SCHIP1: variants seen among roughly 807,000 people sequenced by gnomAD.
SCHIP1 encodes the protein schwannomin-interacting protein 1.
A neutral mutation model predicts 29.7 loss-of-function variants in SCHIP1; 8 were observed. The observed-to-expected ratio is 0.27, with a 90% CI of 0.16 to 0.49. The LOEUF is 0.49. Among genes scored for constraint, SCHIP1 ranks in the 20% least tolerant of loss-of-function variants. SCHIP1 has a pLI of 0.99. For missense variants in SCHIP1, 193 were observed against 294.6 expected (o/e 0.66, Z 2.52); for synonymous variants, 76 against 94.9 (o/e 0.80, Z 1.16).
the SCHIP1 span, among the ~76,000 whole-genome samples, chr3:159,461,900 C>T: frequency 6.6e-6 from 1 of 152,028 alleles, no homozygotes; most frequent in African/African-American, 2.4e-5. Flanking sequence ...TGCAGATAAA[C>T]ATAAAGAGCA....
the SCHIP1 span, chr3:159,274,732 A>T: frequency 1.2e-6 from 1 of 824,406 alleles, no homozygotes; most frequent in Admixed American, 6.2e-5. Context: ...CTAAGAGAAC[A>T]TATTGTCATT....
the SCHIP1 span, among the ~76,000 whole-genome samples, chr3:159,748,477 A>T: frequency 1.3e-5 from 2 of 152,386 alleles, no homozygotes; most frequent in Non-Finnish European, 2.9e-5. Context: ...GTGTACCAAC[A>T]TGATAATGAC....
the SCHIP1 span, among the ~76,000 whole-genome samples, chr3:159,582,336 T>C: frequency 1.3e-5 from 2 of 152,052 alleles, no homozygotes; most frequent in South Asian, 4.2e-4. Flanking sequence ...GCTTATTTTT[T>C]TTTTATTTTT....
At chr3:159,713,738 G>A in the SCHIP1 span, among the ~76,000 whole-genome samples, 1 of 152,198 alleles carries the variant, frequency 6.6e-6, no homozygotes, top group African/African-American at 2.4e-5. Flanking sequence ...CATATGGTGG[G>A]GGTTTAATTT....
chr3:159,839,993 T>C (rs1453982817), exon 1 of SCHIP1: 2 of 1,434,174 alleles, frequency 1.4e-6, no homozygotes, highest in South Asian at 1.5e-5. Context: ...CTCAGCTCGC[T>C]AGCTGCGCGC....
chr3:159,650,078 T>G, the SCHIP1 span, among the ~76,000 whole-genome samples: 1 of 152,210 alleles, frequency 6.6e-6, no homozygotes, highest in East Asian at 1.9e-4. Flanking sequence ...TATTTTTTAA[T>G]TCATACTCTC....
the SCHIP1 span, among the ~76,000 whole-genome samples, chr3:159,637,247 A>G: frequency 6.6e-6 from 1 of 152,166 alleles, no homozygotes; most frequent in Non-Finnish European, 1.5e-5. Flanking sequence ...CCACACTGAA[A>G]ATGTAGACAT....
chr3:159,469,036 G>T, the SCHIP1 span, among the ~76,000 whole-genome samples: 1 of 151,856 alleles, frequency 6.6e-6, no homozygotes, highest in South Asian at 2.1e-4. Flanking sequence ...AAAGTGCTGG[G>T]ATTACAGGCA....
the SCHIP1 span, among the ~76,000 whole-genome samples, chr3:159,560,375 C>G: frequency 6.6e-6 from 1 of 152,112 alleles, no homozygotes. Context: ...AATCTGACTG[C>G]TAAAATGGCA....
At chr3:159,487,447 G>T in the SCHIP1 span, among the ~76,000 whole-genome samples, 1 of 152,066 alleles carries the variant, frequency 6.6e-6, no homozygotes, top group Admixed American at 6.5e-5. Flanking sequence ...AAGACACCCT[G>T]CCAGGCATAG....
chr3:159,837,320 G>C (rs535174888), upstream of SCHIP1, among the ~76,000 whole-genome samples: 2 of 152,270 alleles, frequency 1.3e-5, no homozygotes, highest in African/African-American at 4.8e-5. Flanking sequence ...GAGCTGTTCT[G>C]TCTTGGAAAG....
chr3:159,892,488 C>A, intron 6 of SCHIP1: 1 of 554,948 alleles, frequency 1.8e-6, no homozygotes, highest in South Asian at 2.5e-5. Context: ...GAAGGACTGT[C>A]CCCTGGGAAG....
the SCHIP1 span, among the ~76,000 whole-genome samples, chr3:159,388,322 T>C: frequency 6.6e-6 from 1 of 152,256 alleles, no homozygotes; most frequent in South Asian, 2.1e-4. Context: ...GTAAAGATTT[T>C]ACTAACAATA....
At chr3:159,880,261 T>C (rs1189034705) in intron 2 of SCHIP1, among the ~76,000 whole-genome samples, 1 of 152,194 alleles carries the variant, frequency 6.6e-6, no homozygotes, top group Non-Finnish European at 1.5e-5. Context: ...CTTTTCTATC[T>C]CTCTCCTGTA....
At chr3:159,698,542 G>T in the SCHIP1 span, among the ~76,000 whole-genome samples, 25 of 152,288 alleles carry the variant, frequency 1.6e-4, no homozygotes, top group African/African-American at 6.0e-4. Context: ...CAATGCACTT[G>T]CTTGATAGGT....
chr3:159,896,700 T>C (rs1718104788), intron 6 of SCHIP1, 23 bp from the exon 8 acceptor site: 3 of 1,589,228 alleles, frequency 1.9e-6, no homozygotes, highest in South Asian at 2.3e-5. Flanking sequence ...TGATGCTAAA[T>C]AATTGTATTA....
the SCHIP1 span, among the ~76,000 whole-genome samples, chr3:159,827,277 A>G: frequency 6.6e-6 from 1 of 152,060 alleles, no homozygotes; most frequent in Non-Finnish European, 1.5e-5. Flanking sequence ...ACCTAAGGAA[A>G]CTCTTTAGTA....
chr3:159,565,968 G>T, the SCHIP1 span, among the ~76,000 whole-genome samples: 1 of 152,116 alleles, frequency 6.6e-6, no homozygotes, highest in Non-Finnish European at 1.5e-5. Context: ...ACATGACTGA[G>T]AACTTTTGCA....
At chr3:159,641,734 C>T in the SCHIP1 span, among the ~76,000 whole-genome samples, 1 of 152,144 alleles carries the variant, frequency 6.6e-6, no homozygotes, top group African/African-American at 2.4e-5. Flanking sequence ...CTTGGAAATA[C>T]TCAAAGGCCC....
Sources: gnomAD v4.1 joint callset for allele counts (sites outside exome capture counted in the v4.1 genomes callset) on GRCh38, gnomAD v4.1.1 for gene constraint, MANE v1.5 for transcripts, NCBI Gene and HGNC (gene_info 2026-07-23, HGNC 2026-07-21) for gene names.